CD72: variants seen among roughly 807,000 people sequenced by gnomAD.
CD72 encodes CD72 molecule, also known as B-cell differentiation antigen CD72.
A neutral mutation model predicts 50.7 loss-of-function variants in CD72; 28 were observed. The ratio of observed to expected loss-of-function variants is 0.55; its 90% CI spans 0.41 to 0.76. CD72 has a LOEUF of 0.76. CD72 is among the 30% of genes least tolerant of loss of function. CD72 has a pLI of 0.00. For synonymous variants in CD72, 176 were observed against 171.2 expected, an observed-to-expected ratio of 1.03 and a Z score of -0.22; for missense variants, 403 against 420.6, an observed-to-expected ratio of 0.96 and a Z score of 0.37.
chr9:35,615,971 C>A lies in CD72; in HGVS notation c.660G>T (p.Leu220=). ...CTGAGCCGCATGTGAAGAAGGGCTT[C>A]AGTCTGTTCTCCATGTTGCTCAGCT... is the stretch of plus-strand genomic sequence containing the variant. ...EQKLSNMENR[L]KPFFTCGSAD... is the part of the protein sequence containing the mutation. Residue 220 remains leucine (L), a synonymous_variant, in exon 5 of 9, where the codon CTG becomes CTT. Coordinates refer to ENST00000259633, the MANE Select transcript of CD72 (RefSeq NM_001782.3). 6.2e-7 allele frequency: 1 copy of A among 1,613,860 alleles called. No individual in the cohort carries two copies. The highest frequency in any genetic ancestry group is 8.5e-7 in the Non-Finnish European group (1 of 1,179,942).
chr9:35,617,492 C>T (rs547628278), intron 2 of CD72, among the ~76,000 whole-genome samples: 78 of 152,080 alleles, frequency 5.1e-4, no homozygotes, highest in Non-Finnish European at 9.3e-4. Flanking sequence ...CTCCCTTTAT[C>T]GTTTCCTCAG....
Position 35,616,047 on chromosome 9 carries a change from G to C in CD72, c.584C>G (p.Thr195Arg), listed in dbSNP as rs755556121. Reference sequence around the variant, plus strand: ...CTCCTCACTTTGCAAGGTCTCCTTCGTCTTCTGTCTGTCTGCCTGGCAGGC... The same window carrying C: ...CTCCTCACTTTGCAAGGTCTCCTTCCTCTTCTGTCTGTCTGCCTGGCAGGC... ...LQACQADRQK[T>R]KETLQSEEQQ... The change falls in exon 5 of 9, where the codon ACG becomes AGG. Residue 195 changes from threonine (T) to arginine (R), a missense_variant. Coordinates refer to ENST00000259633, the MANE Select transcript of CD72 (RefSeq NM_001782.3). The C allele has an allele frequency of 1.2e-6, 2 of 1,613,922 alleles. No homozygotes were observed. The highest frequency in any genetic ancestry group is 4.5e-5 in the East Asian group (2 of 44,894).
At position 35,645,581 on chromosome 9, in the gene CD72, CA is replaced by C. The variant is rs1348230753; in HGVS notation, n.408+821del. Among the ~76,000 whole-genome samples the C allele has an allele frequency of 2.7e-5, 3 of 111,874 alleles. No homozygotes were observed. In the South Asian group the frequency reaches 8.9e-4, roughly 33 times the overall value. 73.4% of individuals were successfully genotyped at this position (111,874 alleles called of 152,430 possible). On this transcript the variant is annotated intron_variant and non_coding_transcript_variant, in intron 1 of 3. Transcript: ENST00000465754. ...TGGGCAACAGAACAAGACTCCGTCT[CA>C]AAAAACAAAAACAAACAAAAAAAAA...
chr9:35,615,045 T>TG (rs1469179126), intron 5 of CD72, among the ~76,000 whole-genome samples: 10 of 150,904 alleles, frequency 6.6e-5, no homozygotes, highest in Admixed American at 6.6e-4. Context: ...CCTGCAGGAG[T>TG]GGTGGGCAGC....
At chr9:35,639,667 C>T (rs188644233) in intron 1 of CD72, among the ~76,000 whole-genome samples, 119 of 152,284 alleles carry the variant, frequency 7.8e-4, no homozygotes, top group Admixed American at 1.8e-3. Context: ...GAATAGTTCT[C>T]AGATACACTT....
chr9:35,634,861 G>A (rs575147734), intron 1 of CD72, among the ~76,000 whole-genome samples: 2 of 152,246 alleles, frequency 1.3e-5, no homozygotes, highest in South Asian at 4.1e-4. Context: ...TAGCATATAT[G>A]TTACACCTCA....
intron 1 of CD72, among the ~76,000 whole-genome samples, chr9:35,628,386 C>A (rs1832536): frequency 0.54 from 82,244 of 152,134 alleles, 22,851 homozygotes; most frequent in South Asian, 0.62. Context: ...AGGTCAGGAG[C>A]TCGAGACCAT....
Position 35,618,375 on chromosome 9 carries a change from T to C in CD72, c.-72A>G. On this transcript the variant is annotated 5_prime_UTR_variant, in exon 1 of 9. Coordinates refer to ENST00000259633, the MANE Select transcript of CD72 (RefSeq NM_001782.3). ...TCCTCCCTTGCCCCTCTCGTCTCTG[T>C]CCGTTTACAACTAGGCTCTGTGTTC... The C allele has an allele frequency of 6.2e-7, 1 of 1,601,800 alleles. No individual in the cohort carries two copies. The highest frequency in any genetic ancestry group is 8.5e-7 in the Non-Finnish European group (1 of 1,173,968).
intron 1 of CD72, among the ~76,000 whole-genome samples, chr9:35,626,452 C>A (rs1252236134): frequency 1.3e-5 from 2 of 152,146 alleles, no homozygotes; most frequent in African/African-American, 4.8e-5. Context: ...GAAATGACAA[C>A]AAAGGATTTA....
intron 1 of CD72, among the ~76,000 whole-genome samples, chr9:35,629,253 TTTGGA>T (rs1305952483): frequency 6.6e-6 from 1 of 152,200 alleles, no homozygotes; most frequent in Non-Finnish European, 1.5e-5. Context: ...TTCTTAACCA[TTTGGA>T]TTAGCTCTTC....
At chr9:35,618,508 C>T (rs1285190514), upstream of CD72, 4 of 1,319,608 alleles carry the variant, frequency 3.0e-6, no homozygotes, top group East Asian at 5.1e-5. Context: ...GAAGGCATCC[C>T]TGGGCCAGGG....
chr9:35,615,092 C>T (rs578148679), intron 5 of CD72, among the ~76,000 whole-genome samples: 83 of 152,170 alleles, frequency 5.5e-4, no homozygotes, highest in Admixed American at 2.4e-3. Flanking sequence ...ATCCTTTCGC[C>T]GGAAGAGCAA....
chr9:35,629,620 C>A (rs1175115024), intron 1 of CD72, among the ~76,000 whole-genome samples: 14 of 152,174 alleles, frequency 9.2e-5, no homozygotes, highest in Admixed American at 9.2e-4. Context: ...TTCTGCAGGC[C>A]AGGCAGCCAG....
At chr9:35,638,621 T>C (rs1823312587) in intron 1 of CD72, among the ~76,000 whole-genome samples, 1 of 150,982 alleles carries the variant, frequency 6.6e-6, no homozygotes, top group Admixed American at 6.6e-5. Flanking sequence ...AATTCCGATA[T>C]CTAACTCTGT....
upstream of CD72, chr9:35,618,861 C>T (rs999939340): frequency 3.4e-6 from 3 of 883,880 alleles, no homozygotes; most frequent in East Asian, 1.9e-4. Context: ...GGTTCAGGAA[C>T]AGGCCTGGGC....
At chr9:35,643,469 G>T (rs1823357957) in intron 1 of CD72, 1 of 152,150 alleles carries the variant, frequency 6.6e-6, no homozygotes, top group African/African-American at 2.4e-5. Flanking sequence ...ATTCCATTTA[G>T]GCCTCCTGAT....
chr9:35,611,514 G>C (rs1449031220), intron 7 of CD72, among the ~76,000 whole-genome samples: 1 of 152,164 alleles, frequency 6.6e-6, no homozygotes, highest in Admixed American at 6.5e-5. Flanking sequence ...ATCAGCTGTG[G>C]AGCCTTAACT....
At chr9:35,619,976 G>C (rs1317394904), upstream of CD72, among the ~76,000 whole-genome samples, 1 of 150,726 alleles carries the variant, frequency 6.6e-6, no homozygotes, top group South Asian at 2.1e-4. Context: ...CCCAGATACA[G>C]AGAGTGGTAT....
At chr9:35,642,651 T>TTC (rs1477144292) in intron 1 of CD72, 1 of 152,240 alleles carries the variant, frequency 6.6e-6, no homozygotes, top group Non-Finnish European at 1.5e-5. Context: ...GGTTAGGGCC[T>TTC]TCTTTAGGGC....
Sources: gnomAD v4.1 joint callset for allele counts (sites outside exome capture counted in the v4.1 genomes callset) on GRCh38, gnomAD v4.1.1 for gene constraint, MANE v1.5 for transcripts, NCBI Gene and HGNC (gene_info 2026-07-23, HGNC 2026-07-21) for gene names.